Variants in SGCD observed in about 807,000 individuals in gnomAD.
SGCD encodes the protein sarcoglycan delta, also known as delta-sarcoglycan.
Under a neutral mutation model 36.6 loss-of-function variants are expected in SGCD, and 18 were observed. That is an observed-to-expected ratio of 0.49 (90% CI 0.34 to 0.73). The LOEUF is 0.73. Ranked by LOEUF, SGCD falls within the 30% of genes least tolerant of loss-of-function variation. The probability of loss-of-function intolerance (pLI) is 0.01; values close to 1 mark genes in which losing one functional copy is unlikely to be tolerated. For missense variants in SGCD, 387 were observed against 346.7 expected (o/e 1.12, Z -0.92); for synonymous variants, 133 against 130.6 (o/e 1.02, Z -0.12).
chr5:156,613,875 T>A (rs1761925370), intron 6 of SGCD, among the ~76,000 whole-genome samples: 1 of 152,226 alleles, frequency 6.6e-6, no homozygotes, highest in South Asian at 2.1e-4. Context: ...TGTAAGGGGC[T>A]GAACTAATCA....
intron 1 of SGCD, among the ~76,000 whole-genome samples, chr5:156,090,254 A>G (rs559826527): frequency 6.6e-6 from 1 of 152,302 alleles, no homozygotes; most frequent in African/African-American, 2.4e-5. Flanking sequence ...CTCTGTGAGC[A>G]TACACTACTA....
chr5:156,131,853 C>G (rs185372129), intron 3 of SGCD, among the ~76,000 whole-genome samples: 1 of 152,160 alleles, frequency 6.6e-6, no homozygotes, highest in South Asian at 2.1e-4. Flanking sequence ...TTGGGAACAT[C>G]GAAGAGCTGA....
intron 1 of SGCD, among the ~76,000 whole-genome samples, chr5:156,049,331 C>T (rs1759857389): frequency 6.9e-6 from 1 of 145,662 alleles, no homozygotes; most frequent in African/African-American, 2.5e-5. Flanking sequence ...TCCATATGAA[C>T]TTTAAAGTAG....
chr5:156,565,248 G>T (rs1259946808), intron 4 of SGCD, among the ~76,000 whole-genome samples: 1 of 152,154 alleles, frequency 6.6e-6, no homozygotes, highest in Non-Finnish European at 1.5e-5. Flanking sequence ...TGAAATGTTA[G>T]TTTCCACAGT....
chr5:156,352,803 G>A (rs1769321369), intron 3 of SGCD, among the ~76,000 whole-genome samples: 1 of 152,190 alleles, frequency 6.6e-6, no homozygotes, highest in Non-Finnish European at 1.5e-5. Context: ...GCTCCAAGAA[G>A]TGCAGTAACT....
chr5:156,186,082 A>C (rs917223521), intron 3 of SGCD, among the ~76,000 whole-genome samples: 2 of 132,668 alleles, frequency 1.5e-5, no homozygotes, highest in Admixed American at 7.4e-5. Flanking sequence ...CTTTCCTGGC[A>C]AAAAAAAAAA....
At chr5:156,347,561 A>G (rs917893082) in intron 3 of SGCD, among the ~76,000 whole-genome samples, 1 of 152,072 alleles carries the variant, frequency 6.6e-6, no homozygotes, top group Non-Finnish European at 1.5e-5. Flanking sequence ...AGCAAAATAG[A>G]ATTTATTACT....
intron 3 of SGCD, among the ~76,000 whole-genome samples, chr5:156,204,473 T>TACAC (rs58745098): frequency 0.016 from 2,369 of 147,456 alleles, 30 homozygotes; most frequent in African/African-American, 0.019. Flanking sequence ...AACACACTCA[T>TACAC]ACACACACAC....
At chr5:156,170,600 GTTC>G (rs953960731) in intron 3 of SGCD, among the ~76,000 whole-genome samples, 4 of 152,182 alleles carry the variant, frequency 2.6e-5, no homozygotes, top group African/African-American at 9.7e-5. Flanking sequence ...TCAGTGTCCT[GTTC>G]TTCTAACTCA....
intron 7 of SGCD, among the ~76,000 whole-genome samples, chr5:156,665,362 G>A (rs1350017313): frequency 3.9e-5 from 6 of 152,238 alleles, no homozygotes; most frequent in Admixed American, 1.3e-4. Flanking sequence ...AGCCATTACC[G>A]GCTCTGCTAC....
intron 3 of SGCD, among the ~76,000 whole-genome samples, chr5:156,145,389 C>A (rs924459225): frequency 6.6e-6 from 1 of 152,172 alleles, no homozygotes. Flanking sequence ...CCAATTAAAT[C>A]TCTTTTCTTT....
At chr5:156,248,709 A>G (rs10054811) in intron 3 of SGCD, among the ~76,000 whole-genome samples, 267 of 152,344 alleles carry the variant, frequency 1.8e-3, no homozygotes, top group African/African-American at 6.1e-3. Flanking sequence ...AACTCTGGCC[A>G]CTATGTGGAA....
chr5:155,986,134 C>G (rs894649904), intron 1 of SGCD, among the ~76,000 whole-genome samples: 2 of 152,114 alleles, frequency 1.3e-5, no homozygotes, highest in African/African-American at 4.8e-5. Context: ...TCATCCATTT[C>G]CTGTATCCTA....
chr5:156,466,674 T>C (rs1476839127), intron 3 of SGCD, among the ~76,000 whole-genome samples: 1 of 152,186 alleles, frequency 6.6e-6, no homozygotes, highest in African/African-American at 2.4e-5. Context: ...AATGGGTGAC[T>C]GCTGGGACAG....
At chr5:156,245,711 A>T (rs887477763) in intron 3 of SGCD, among the ~76,000 whole-genome samples, 1 of 152,158 alleles carries the variant, frequency 6.6e-6, no homozygotes, top group Non-Finnish European at 1.5e-5. Flanking sequence ...CACCATGGGG[A>T]TGCAACCAAC....
rs369359836 is a variant in SGCD, at chr5:156,562,942, A to T, written c.295-26289A>T. Reference sequence around the variant, plus strand: ...CAATATTTACCTAATTAAATTAAGAAACCAATTAACAAGTATATAGTGATG... The same window carrying T: ...CAATATTTACCTAATTAAATTAAGATACCAATTAACAAGTATATAGTGATG... On this transcript the variant is annotated intron_variant, in intron 4 of 8. Transcript: ENST00000337851. Among the ~76,000 whole-genome samples the T allele has an allele frequency of 5.9e-5, 9 of 152,122 alleles. No homozygotes were observed. The South Asian group carries it at 1.9e-3, about 32-fold the overall frequency.
At chr5:156,373,375 C>T (rs566698182) in intron 3 of SGCD, among the ~76,000 whole-genome samples, 2 of 152,252 alleles carry the variant, frequency 1.3e-5, no homozygotes, top group African/African-American at 2.4e-5. Flanking sequence ...TTTGGTATCT[C>T]CTATTGATTT....
chr5:156,040,896 C>A (rs947746829), intron 1 of SGCD, among the ~76,000 whole-genome samples: 2 of 152,150 alleles, frequency 1.3e-5, no homozygotes, highest in Admixed American at 1.3e-4. Context: ...TAGGAATGTA[C>A]TGGCTGAAGG....
chr5:156,482,997 G>C (rs1420572631), intron 3 of SGCD, among the ~76,000 whole-genome samples: 6 of 151,938 alleles, frequency 3.9e-5, no homozygotes, highest in Non-Finnish European at 5.9e-5. Flanking sequence ...ACCAGATGCT[G>C]TTTGTTCCCC....
Sources: gnomAD v4.1 joint callset for allele counts (sites outside exome capture counted in the v4.1 genomes callset) on GRCh38, gnomAD v4.1.1 for gene constraint, MANE v1.5 for transcripts, NCBI Gene and HGNC (gene_info 2026-07-23, HGNC 2026-07-21) for gene names.